Variants in DPP4 observed in about 807,000 individuals in gnomAD.
DPP4 encodes the protein dipeptidyl peptidase 4.
A neutral mutation model predicts 122.4 loss-of-function variants in DPP4; 93 were observed. The ratio of observed to expected loss-of-function variants is 0.76; its 90% CI spans 0.64 to 0.90. DPP4 has a LOEUF of 0.90. Ranked by LOEUF, DPP4 falls within the 40% of genes least tolerant of loss-of-function variation. The pLI is 0.00. For synonymous variants in DPP4, 321 were observed against 302.9 expected (o/e 1.06, Z -0.62); for missense variants, 914 against 907.3 (o/e 1.01, Z -0.09).
chr2:162,018,126 T>C (rs968524229), intron 16 of DPP4, among the ~76,000 whole-genome samples: 1 of 152,196 alleles, frequency 6.6e-6, no homozygotes, highest in African/African-American at 2.4e-5. Flanking sequence ...GATAACTGGT[T>C]TGAAAACATT....
intron 5 of DPP4, among the ~76,000 whole-genome samples, chr2:162,042,518 T>C (rs1352524948): frequency 6.6e-6 from 1 of 151,944 alleles, no homozygotes; most frequent in African/African-American, 2.4e-5. Context: ...TCCAAGGAAA[T>C]GTAATCAAAT....
Position 162,017,107 on chromosome 2 carries a change from C to A in DPP4, c.1468+1G>T. ...ATGAAGAGTAAAATATGAGAAAATA[C>A]CTTTATCATTCACGCTGCTGTGTAG... is the stretch of plus-strand genomic sequence containing the variant. On this transcript the variant is annotated splice_donor_variant, in intron 17 of 25. Transcript: ENST00000360534. LOFTEE classifies it high-confidence loss of function. 7.4e-6 allele frequency: 12 copies of A among 1,611,352 alleles called. No individual in the cohort carries two copies. The highest frequency in any genetic ancestry group is 9.3e-6 in the Non-Finnish European group (11 of 1,179,088).
intron 5 of DPP4, among the ~76,000 whole-genome samples, chr2:162,044,873 C>T (rs910021174): frequency 1.3e-5 from 2 of 151,946 alleles, no homozygotes; most frequent in African/African-American, 4.8e-5. Flanking sequence ...TGGTGGGGCC[C>T]GAAGGTTGGG....
chr2:162,050,581 G>A (rs1170481519), intron 2 of DPP4, among the ~76,000 whole-genome samples: 1 of 152,202 alleles, frequency 6.6e-6, no homozygotes, highest in Non-Finnish European at 1.5e-5. Flanking sequence ...TCACTCGGCT[G>A]CGTTAGAATA....
intron 2 of DPP4, among the ~76,000 whole-genome samples, chr2:162,053,648 G>A (rs1684463576): frequency 1.3e-5 from 2 of 152,160 alleles, no homozygotes; most frequent in African/African-American, 4.8e-5. Flanking sequence ...GCATTCTGGT[G>A]CAGCACTCTT....
intron 2 of DPP4, 54 bp downstream of exon 2, chr2:162,073,345 G>C (rs1234050860): frequency 4.4e-6 from 7 of 1,579,896 alleles, no homozygotes; most frequent in East Asian, 2.2e-5. Flanking sequence ...GTGGTAAGAC[G>C]GAGCCTGACC....
intron 2 of DPP4, among the ~76,000 whole-genome samples, chr2:162,053,216 A>G (rs2106143072): frequency 6.6e-6 from 1 of 152,322 alleles, no homozygotes; most frequent in Admixed American, 6.5e-5. Context: ...GGAGATTAGT[A>G]TGGAGAATAG....
intron 2 of DPP4, among the ~76,000 whole-genome samples, chr2:162,061,811 C>T (rs1038266969): frequency 2.6e-5 from 4 of 152,306 alleles, no homozygotes; most frequent in East Asian, 1.9e-4. Flanking sequence ...GCATGAAAAA[C>T]TCCTGCCCTT....
intron 2 of DPP4, among the ~76,000 whole-genome samples, chr2:162,064,626 T>C (rs942838113): frequency 2.0e-5 from 3 of 152,218 alleles, no homozygotes; most frequent in Admixed American, 1.3e-4. Context: ...GGATGAAATG[T>C]GACAGTTTAT....
chr2:162,001,878 GCCCATTTAGAGCTT>G (rs1701158669), intron 23 of DPP4, among the ~76,000 whole-genome samples: 1 of 152,152 alleles, frequency 6.6e-6, no homozygotes, highest in Non-Finnish European at 1.5e-5. Context: ...CACTTTGGCT[GCCCATTTAGAGCTT>G]CCGGTATCAG....
intron 2 of DPP4, among the ~76,000 whole-genome samples, chr2:162,063,464 C>A (rs1037277052): frequency 6.6e-6 from 1 of 151,764 alleles, no homozygotes; most frequent in Non-Finnish European, 1.5e-5. Context: ...CCAGAGTAGT[C>A]CAAGGTGAGA....
At chr2:162,065,776 T>C (rs776091554) in intron 2 of DPP4, among the ~76,000 whole-genome samples, 37 of 152,344 alleles carry the variant, frequency 2.4e-4, no homozygotes, top group Non-Finnish European at 4.6e-4. Context: ...ATTTGGTCAC[T>C]AGTGCTTCCA....
At chr2:162,033,288 C>T (rs1390331050) in intron 10 of DPP4, among the ~76,000 whole-genome samples, 1 of 152,104 alleles carries the variant, frequency 6.6e-6, no homozygotes, top group Non-Finnish European at 1.5e-5. Context: ...GTCTGTCTCC[C>T]CCAATTTGAA....
chr2:162,055,883 T>C (rs1559724415), intron 2 of DPP4, among the ~76,000 whole-genome samples: 1 of 152,232 alleles, frequency 6.6e-6, no homozygotes, highest in Non-Finnish European at 1.5e-5. Context: ...TAATGGGGTT[T>C]AGTTCCCCCT....
chr2:162,036,164 C>T (rs1231313578), intron 8 of DPP4, among the ~76,000 whole-genome samples: 1 of 152,060 alleles, frequency 6.6e-6, no homozygotes. Flanking sequence ...GTGGAGACGC[C>T]TAGATATTCC....
In DPP4 at chr2:162,011,850, T is replaced by A; in HGVS notation, c.1775A>T (p.His592Leu). 6.2e-7 allele frequency: 1 copy of A among 1,613,798 alleles called. No homozygotes were observed. Among genetic ancestry groups the A allele is most frequent in the South Asian group, 1.1e-5 (1 of 91,064 alleles). Reference protein sequence around the residue: ...GSGYQGDKIMHAINRRLGTFE... With the variant: ...GSGYQGDKIMLAINRRLGTFE... ...TGTTCCCAGTCTTCTGTTGATTGCA[T>A]GCATGATCTTATCTCCTTGGTAACC... Residue 592 changes from histidine to leucine, a missense_variant, in exon 20 of 26, where the codon CAT (histidine) becomes CTT (leucine). Physicochemically the swap from His to Leu is moderately conservative, Grantham distance 99. Coordinates refer to ENST00000360534, the MANE Select transcript of DPP4 (RefSeq NM_001935.4).
chr2:162,045,784 G>GAC (rs1684152851), intron 4 of DPP4, among the ~76,000 whole-genome samples, 172 bp from the exon 5 acceptor site: 1 of 152,188 alleles, frequency 6.6e-6, no homozygotes, highest in Admixed American at 6.5e-5. Flanking sequence ...CAAGGTAGGT[G>GAC]GCGATCAATG....
rs148576850 is a variant in DPP4, at chr2:161,997,854, A to T, written c.2053-2482T>A. Among the ~76,000 whole-genome samples, 6 of 152,348 alleles carry T rather than the reference A, an allele frequency of 3.9e-5. No individual in the cohort carries two copies. In the East Asian group the frequency reaches 1.2e-3, roughly 29 times the overall value. The stretch of plus-strand genomic sequence containing the variant: ...GTAACCTGCACCCGGTCACAACTAC[A>T]GCAAGTGTCAGAGCTGGACAAAGTC... On this transcript the variant is annotated intron_variant, in intron 23 of 25. Transcript: ENST00000360534.
intron 8 of DPP4, among the ~76,000 whole-genome samples, chr2:162,036,805 C>A (rs1400580773): frequency 1.3e-5 from 2 of 152,274 alleles, no homozygotes; most frequent in African/African-American, 2.4e-5. Flanking sequence ...TGGAGCAATC[C>A]AGTGAATTGC....
Sources: allele counts gnomAD v4.1 joint callset (sites outside exome capture counted in the v4.1 genomes callset), GRCh38; gene constraint gnomAD v4.1.1; transcripts MANE v1.5; gene names NCBI Gene and HGNC (gene_info 2026-07-23, HGNC 2026-07-21).